Variants in ZNF860 observed in about 807,000 individuals in gnomAD.
The protein encoded by ZNF860 is zinc finger protein 860.
For missense variants in ZNF860, 641 were observed against 759.2 expected (o/e 0.84, Z 1.83); for synonymous variants, 206 against 248.9 (o/e 0.83, Z 1.62).
downstream of ZNF860, among the ~76,000 whole-genome samples, chr3:31,995,250 G>A (rs1699078254): frequency 6.6e-6 from 1 of 152,200 alleles, no homozygotes; most frequent in Non-Finnish European, 1.5e-5. Context: ...GTAAGCCTGA[G>A]AGTACTGCAG....
At chr3:31,994,609 G>A (rs1041856856), downstream of ZNF860, among the ~76,000 whole-genome samples, 8 of 152,162 alleles carry the variant, frequency 5.3e-5, no homozygotes, top group Non-Finnish European at 1.2e-4. Flanking sequence ...TAGGTGTGCA[G>A]ATGTCTTTTC....
At chr3:31,995,698 A>G (rs180761461), downstream of ZNF860, among the ~76,000 whole-genome samples, 2 of 152,324 alleles carry the variant, frequency 1.3e-5, no homozygotes, top group East Asian at 1.9e-4. Flanking sequence ...AGAAATTATG[A>G]AAGTATTATT....
intron 1 of ZNF860, among the ~76,000 whole-genome samples, chr3:31,987,071 T>C (rs1287342379): frequency 6.6e-6 from 1 of 151,814 alleles, no homozygotes; most frequent in African/African-American, 2.4e-5. Context: ...TATATATGTG[T>C]ATATATACTT....
At chr3:32,005,816 G>A in the ZNF860 span, among the ~76,000 whole-genome samples, 5 of 152,106 alleles carry the variant, frequency 3.3e-5, no homozygotes, top group Non-Finnish European at 5.9e-5. Flanking sequence ...TCAGTCTCCT[G>A]ACCTCGTGAT....
rs990399922 is a variant in ZNF860, at chr3:31,990,664, CAT to C, written c.1587_1588del (p.His529GlnfsTer12). ...FNQQATLARH[H>X]RLHTGEKPYK... ...TCAACAAGCAACCCTTGCACGTCAT[CAT>C]AGACTTCATACTGGAGAGAAACCTT... On this transcript the variant is annotated frameshift_variant, in exon 2 of 2. Transcript: ENST00000360311. LOFTEE classifies it low-confidence loss of function (END_TRUNC). The C allele has an allele frequency of 1.2e-6, 2 of 1,613,808 alleles. No homozygotes were observed. Among genetic ancestry groups the C allele is most frequent in the African/African-American group, 2.7e-5 (2 of 74,844 alleles).
rs764885156 is a variant in ZNF860 at position 31,989,261 on chromosome 3, A to G, written c.182A>G (p.His61Arg). 6.2e-7 allele frequency: 1 copy of G among 1,614,214 alleles called. No individual in the cohort carries two copies. The highest frequency in any genetic ancestry group is 8.5e-7 in the Non-Finnish European group (1 of 1,180,042). The change falls in exon 2 of 2, where the codon CAT becomes CGT. Residue 61 changes from histidine to arginine, a missense_variant. By Grantham distance (29) the His-to-Arg change is conservative. Transcript: ENST00000360311. ...ATGTTGGAGAACTACAGGAACCTGC[A>G]TTCTGTGGATATCTCTTCCAAATGC... ...AMMLENYRNL[H>R]SVDISSKCMM...
downstream of ZNF860, among the ~76,000 whole-genome samples, chr3:31,996,510 G>T (rs938588511): frequency 7.9e-5 from 12 of 152,056 alleles, no homozygotes; most frequent in Admixed American, 6.5e-5. Flanking sequence ...GGGGAGAAGG[G>T]GGTTAGTGGA....
At chr3:31,994,491 A>AGGATGGAT (rs200832488), downstream of ZNF860, among the ~76,000 whole-genome samples, 386 of 149,760 alleles carry the variant, frequency 2.6e-3, 2 homozygotes, top group Middle Eastern at 6.8e-3. Flanking sequence ...AGGGAAAAAA[A>AGGATGGAT]GGATGGATGG....
chr3:32,000,865 A>G, the ZNF860 span, among the ~76,000 whole-genome samples: 8 of 152,040 alleles, frequency 5.3e-5, no homozygotes, highest in Non-Finnish European at 1.2e-4. Flanking sequence ...ACAACTGAAT[A>G]CTCTAAGACG....
At chr3:31,999,938 A>C in the ZNF860 span, among the ~76,000 whole-genome samples, 2 of 152,314 alleles carry the variant, frequency 1.3e-5, no homozygotes, top group African/African-American at 4.8e-5. Context: ...CAAAATGTTC[A>C]TAAGAGCCTC....
the ZNF860 span, among the ~76,000 whole-genome samples, chr3:32,001,079 G>A: frequency 6.6e-6 from 1 of 152,198 alleles, no homozygotes; most frequent in African/African-American, 2.4e-5. Flanking sequence ...TGAGAGATGA[G>A]TGAAGGCATC....
At chr3:32,001,568 A>G in the ZNF860 span, among the ~76,000 whole-genome samples, 14 of 152,354 alleles carry the variant, frequency 9.2e-5, no homozygotes, top group African/African-American at 3.1e-4. Flanking sequence ...AAACTGGTGC[A>G]AATAAGAATT....
At chr3:32,001,329 G>A in the ZNF860 span, among the ~76,000 whole-genome samples, 3 of 152,174 alleles carry the variant, frequency 2.0e-5, no homozygotes, top group Non-Finnish European at 4.4e-5. Context: ...CAGTCTTGCT[G>A]ATCTGTTGGT....
intron 1 of ZNF860, among the ~76,000 whole-genome samples, chr3:31,984,348 GTT>G (rs144693842): frequency 1.4e-5 from 2 of 145,538 alleles, no homozygotes; most frequent in African/African-American, 5.0e-5. Context: ...CCCACCTAAG[GTT>G]TTTTTTTTTT....
downstream of ZNF860, among the ~76,000 whole-genome samples, chr3:31,994,032 A>T (rs541845049): frequency 6.6e-6 from 1 of 152,360 alleles, no homozygotes; most frequent in Admixed American, 6.5e-5. Flanking sequence ...TATACAATAA[A>T]TGAGTACTCA....
chr3:31,992,051 C>T (rs911753565), downstream of ZNF860, among the ~76,000 whole-genome samples: 4 of 150,546 alleles, frequency 2.7e-5, no homozygotes, highest in African/African-American at 9.8e-5. Context: ...GAGGCTGAGG[C>T]AGGAGAATCA....
Position 31,989,910 on chromosome 3 carries a change from T to C in ZNF860, c.831T>C (p.His277=), listed in dbSNP as rs765095333. The C allele has an allele frequency of 4.3e-6, 7 of 1,614,194 alleles. No individual in the cohort carries two copies. The South Asian group carries it at 6.6e-5, about 15-fold the overall frequency. ...AGAAGCGATACCTTGCATGCCATCA[T>C]AGATGTCACACTGGTGAGAAACCTT... ...FNQKRYLACH[H]RCHTGEKPYK... is the part of the protein sequence containing the mutation. The change falls in exon 2 of 2, where the codon CAT becomes CAC. Residue 277 remains histidine, a synonymous_variant. Transcript: ENST00000360311.
intron 1 of ZNF860, among the ~76,000 whole-genome samples, chr3:31,982,477 A>G (rs62244397): frequency 0.083 from 12,689 of 152,118 alleles, 1,048 homozygotes; most frequent in East Asian, 0.47. Context: ...CTAAATGGAA[A>G]AGTCAGCTCT....
the ZNF860 span, among the ~76,000 whole-genome samples, chr3:32,001,513 GTT>G: frequency 6.6e-6 from 1 of 152,132 alleles, no homozygotes; most frequent in Non-Finnish European, 1.5e-5. Context: ...CATGCCAAGG[GTT>G]TTATTCAACT....
Sources: gnomAD v4.1 joint callset for allele counts (sites outside exome capture counted in the v4.1 genomes callset) on GRCh38, gnomAD v4.1.1 for gene constraint, MANE v1.5 for transcripts, NCBI Gene and HGNC (gene_info 2026-07-23, HGNC 2026-07-21) for gene names.